IKZF3: variants seen among roughly 807,000 people sequenced by gnomAD.
IKZF3 encodes the protein IKAROS family zinc finger 3.
IKZF3 carries 10 observed loss-of-function variants against 49.0 expected under a neutral mutation model. The observed-to-expected ratio is 0.20, with a 90% CI of 0.13 to 0.35. The LOEUF (loss-of-function observed/expected upper bound fraction) is 0.35, where lower values mean the gene tolerates loss of function less well. IKZF3 is among the 10% of genes least tolerant of loss of function. The pLI, the probability that IKZF3 is intolerant of heterozygous loss-of-function variation, is 1.00. For missense variants in IKZF3, 498 were observed against 664.8 expected (o/e 0.75, Z 2.76); for synonymous variants, 209 against 228.2 (o/e 0.92, Z 0.76).
intron 1 of IKZF3, among the ~76,000 whole-genome samples, chr17:39,844,961 T>G (rs569131787): frequency 1.3e-5 from 2 of 152,280 alleles, no homozygotes; most frequent in East Asian, 3.9e-4. Context: ...TGTTGTCTGT[T>G]TTGTATTGCT....
In IKZF3 at chr17:39,765,713, G is replaced by A. The variant is rs1484486218; in HGVS notation, c.*77C>T. The A allele has an allele frequency of 8.9e-7, 1 of 1,120,660 alleles. No homozygotes were observed. The highest frequency in any genetic ancestry group is 1.3e-6 in the Non-Finnish European group (1 of 771,634). 69.4% of individuals were successfully genotyped at this position (1,120,660 alleles called of 1,614,324 possible). A position where few individuals can be genotyped will look rare whatever the true frequency, so the allele number is the denominator to read the frequency against. On this transcript the variant is annotated 3_prime_UTR_variant, in exon 8 of 8. Coordinates refer to ENST00000346872, the MANE Select transcript of IKZF3 (RefSeq NM_012481.5). The stretch of plus-strand genomic sequence containing the variant: ...AAGTTTGGAACTGAGTATGTTTTGA[G>A]AGCAATCTGTTAGGCGAGGTCATTG...
chr17:39,794,504 A>G (rs926673273), intron 3 of IKZF3, among the ~76,000 whole-genome samples: 3 of 152,170 alleles, frequency 2.0e-5, no homozygotes, highest in Non-Finnish European at 4.4e-5. Context: ...CCTTTCATCT[A>G]TATTAACTGT....
intron 1 of IKZF3, among the ~76,000 whole-genome samples, chr17:39,857,823 C>T (rs1026017083): frequency 3.3e-5 from 5 of 151,880 alleles, no homozygotes; most frequent in African/African-American, 4.8e-5. Flanking sequence ...TAGTTACCAC[C>T]GATTATAAAA....
intron 7 of IKZF3, among the ~76,000 whole-genome samples, chr17:39,769,883 A>T (rs1297830852): frequency 6.6e-6 from 1 of 152,226 alleles, no homozygotes; most frequent in African/African-American, 2.4e-5. Flanking sequence ...ATGTCAGAAA[A>T]CAGCTGAGTG....
rs541654971 is a variant in IKZF3 at position 39,786,969 on chromosome 17, C to T, written c.709+1289G>A. ...TAGGTTTTATCTAAAATAAAAGTTT[C>T]CTCTCACTCAAAATGAGGGCAGTTT... On this transcript the variant is annotated intron_variant, in intron 6 of 7. Coordinates refer to ENST00000346872, the MANE Select transcript of IKZF3 (RefSeq NM_012481.5). 1.1e-4 allele frequency among the ~76,000 whole-genome samples: 17 copies of T among 152,286 alleles called. 1 individual carries two copies. In the East Asian group the frequency reaches 3.1e-3, roughly 28 times the overall value.
At chr17:39,830,519 C>T (rs1235956513) in intron 2 of IKZF3, among the ~76,000 whole-genome samples, 1 of 152,082 alleles carries the variant, frequency 6.6e-6, no homozygotes, top group Non-Finnish European at 1.5e-5. Flanking sequence ...CTTAAACAAA[C>T]AGCAAACTTG....
intron 6 of IKZF3, among the ~76,000 whole-genome samples, chr17:39,781,210 C>T (rs1389421656): frequency 1.3e-5 from 2 of 152,108 alleles, no homozygotes; most frequent in African/African-American, 4.8e-5. Flanking sequence ...CACACAAAAC[C>T]ACCACCAGAT....
chr17:39,824,753 T>G (rs948248761), intron 3 of IKZF3, among the ~76,000 whole-genome samples: 1 of 151,736 alleles, frequency 6.6e-6, no homozygotes, highest in Non-Finnish European at 1.5e-5. Flanking sequence ...TGGAGTGCAG[T>G]GGCGTGATCT....
intron 3 of IKZF3, among the ~76,000 whole-genome samples, chr17:39,820,048 T>C (rs532107729): frequency 6.6e-6 from 1 of 152,292 alleles, no homozygotes; most frequent in South Asian, 2.1e-4. Context: ...ATTTAGTCAC[T>C]TACTCAACAA....
Position 39,766,410 on chromosome 17 carries a change from T to C in IKZF3, c.910A>G (p.Met304Val). Residue 304 changes from methionine (M) to valine (V), a missense_variant, in exon 8 of 8, where the codon ATG (methionine) becomes GTG (valine). Physicochemically the swap from Met to Val is conservative, Grantham distance 21. Around this residue, in one of 3 missense-constraint regions of IKZF3, gnomAD observed 317 missense variants for 397.3 expected, o/e 0.80. Transcript: ENST00000346872. ...ATGGCGTTATTGATGGCTTGGTCCA[T>C]CATGCGGGTCTGTATGAGCTCACTC... Reference protein sequence around the residue: ...KESELIQTRMMDQAINNAISY... With the variant: ...KESELIQTRMVDQAINNAISY... 6.2e-7 allele frequency: 1 copy of C among 1,614,164 alleles called. No individual in the cohort carries two copies. The highest frequency in any genetic ancestry group is 1.1e-5 in the South Asian group (1 of 91,082).
Position 39,864,207 on chromosome 17 carries a change from C to A in IKZF3, c.-81G>T, listed in dbSNP as rs1013616891. ...CTCCTGCCGTCGCCTGGACTCAGCG[C>A]GCAGCTGGCGGGAGATTCCCGGCGC... On this transcript the variant is annotated 5_prime_UTR_variant, in exon 1 of 8. Coordinates refer to ENST00000346872, the MANE Select transcript of IKZF3 (RefSeq NM_012481.5). 7.9e-6 allele frequency: 12 copies of A among 1,518,436 alleles called. No individual in the cohort carries two copies. The highest frequency in any genetic ancestry group is 1.1e-5 in the Non-Finnish European group (12 of 1,121,116). 94.1% of individuals were successfully genotyped at this position (1,518,436 alleles called of 1,614,324 possible). A position where few individuals can be genotyped will look rare whatever the true frequency, so the allele number is the denominator to read the frequency against.
chr17:39,837,039 C>A (rs1012051858), intron 1 of IKZF3, among the ~76,000 whole-genome samples: 1 of 152,042 alleles, frequency 6.6e-6, no homozygotes, highest in Admixed American at 6.6e-5. Flanking sequence ...TCAAGCAATC[C>A]TCCCACCTCA....
chr17:39,789,245 C>A (rs1342014697), intron 5 of IKZF3, among the ~76,000 whole-genome samples: 1 of 152,148 alleles, frequency 6.6e-6, no homozygotes, highest in Non-Finnish European at 1.5e-5. Flanking sequence ...GCCTGCCTAA[C>A]ATGGCAAAAC....
intron 7 of IKZF3, among the ~76,000 whole-genome samples, chr17:39,768,381 G>A (rs2060348690): frequency 6.6e-6 from 1 of 152,210 alleles, no homozygotes; most frequent in South Asian, 2.1e-4. Flanking sequence ...AAGGCAGAGA[G>A]GTGGGACTAC....
intron 3 of IKZF3, among the ~76,000 whole-genome samples, chr17:39,820,836 C>A (rs1001654228): frequency 1.3e-5 from 2 of 152,124 alleles, no homozygotes; most frequent in African/African-American, 4.8e-5. Flanking sequence ...CACCCAGTGA[C>A]CTCAGGGAAG....
intron 1 of IKZF3, chr17:39,835,991 C>T (rs903484369): frequency 1.6e-6 from 1 of 636,796 alleles, no homozygotes; most frequent in Non-Finnish European, 2.9e-6. Flanking sequence ...AGCTCTTGGA[C>T]ATGTTGTCCA....
At chr17:39,795,768 G>A (rs2061146300) in intron 3 of IKZF3, among the ~76,000 whole-genome samples, 1 of 150,978 alleles carries the variant, frequency 6.6e-6, no homozygotes, top group African/African-American at 2.4e-5. Context: ...ATAATAAATT[G>A]CTGGCTGGGC....
intron 3 of IKZF3, among the ~76,000 whole-genome samples, chr17:39,818,666 T>C (rs925259828): frequency 9.2e-5 from 14 of 152,080 alleles, no homozygotes; most frequent in Non-Finnish European, 1.6e-4. Context: ...TCTGGCCATC[T>C]AGTAGAGATG....
intron 3 of IKZF3, among the ~76,000 whole-genome samples, chr17:39,805,224 G>A (rs2061407491): frequency 6.6e-6 from 1 of 152,200 alleles, no homozygotes; most frequent in Non-Finnish European, 1.5e-5. Flanking sequence ...AGTAAGGAAG[G>A]AAAGAAGATA....
Sources: gnomAD v4.1 joint callset for allele counts (sites outside exome capture counted in the v4.1 genomes callset) on GRCh38, gnomAD v4.1.1 for gene constraint, gnomAD v4.1.1 regional missense constraint, MANE v1.5 for transcripts, NCBI Gene and HGNC (gene_info 2026-07-23, HGNC 2026-07-21) for gene names.